Variants in MECOM observed in about 807,000 individuals in gnomAD.
MECOM encodes the protein histone-lysine N-methyltransferase MECOM.
A neutral mutation model predicts 116.3 loss-of-function variants in MECOM; 13 were observed. The observed-to-expected ratio is 0.11, with a 90% CI of 0.07 to 0.18. MECOM has a LOEUF of 0.18. Ranked by LOEUF, MECOM falls within the 10% of genes least tolerant of loss-of-function variation. MECOM has a pLI of 1.00. For synonymous variants in MECOM, 528 were observed against 535.2 expected (o/e 0.99, Z 0.19); for missense variants, 1,299 against 1,509.0 (o/e 0.86, Z 2.31).
Position 169,487,499 on chromosome 3 carries a change from G to A in MECOM, c.38-105975C>T, listed in dbSNP as rs187394164. Among the ~76,000 whole-genome samples, 46 of 151,962 alleles carry A rather than the reference G, an allele frequency of 3.0e-4. 1 individual carries two copies. The highest frequency in any genetic ancestry group is 2.8e-3 in the Admixed American group (43 of 15,250). On this transcript the variant is annotated intron_variant, in intron 1 of 16. Coordinates refer to ENST00000651503, the MANE Select transcript of MECOM (RefSeq NM_004991.4). ...TTATGCACATTAAATATCTATTTGTGCTTATTTAAGAAAACACAAATAGAA... is the reference window on the plus strand; with the variant it reads ...TTATGCACATTAAATATCTATTTGTACTTATTTAAGAAAACACAAATAGAA...
chr3:169,179,732 C>A (rs893171713), intron 2 of MECOM, among the ~76,000 whole-genome samples: 4 of 152,160 alleles, frequency 2.6e-5, no homozygotes, highest in Admixed American at 1.3e-4. Context: ...ATAAACAAAG[C>A]CCTTCATGAA....
chr3:169,556,638 AGT>A (rs1299287694), intron 1 of MECOM, among the ~76,000 whole-genome samples: 1 of 152,172 alleles, frequency 6.6e-6, no homozygotes, highest in Non-Finnish European at 1.5e-5. Context: ...GAGAAGTGTC[AGT>A]GTGTGACCCA....
chr3:169,520,753 AT>A (rs1757242612), intron 1 of MECOM, among the ~76,000 whole-genome samples: 1 of 151,530 alleles, frequency 6.6e-6, no homozygotes, highest in South Asian at 2.1e-4. Flanking sequence ...AGCCATTTTT[AT>A]AAAAACTTAA....
chr3:169,518,693 C>G (rs1757000156), intron 1 of MECOM, among the ~76,000 whole-genome samples: 1 of 152,126 alleles, frequency 6.6e-6, no homozygotes, highest in Non-Finnish European at 1.5e-5. Context: ...GCTGCCCCAC[C>G]CAAATCTCAT....
intron 1 of MECOM, among the ~76,000 whole-genome samples, chr3:169,485,964 CTA>C (rs371192814): frequency 1.1e-5 from 1 of 94,392 alleles, no homozygotes; most frequent in East Asian, 3.0e-4. Flanking sequence ...TACATATATA[CTA>C]TATATACATA....
chr3:169,524,665 C>T (rs927821852), intron 1 of MECOM, among the ~76,000 whole-genome samples: 1 of 152,208 alleles, frequency 6.6e-6, no homozygotes, highest in Non-Finnish European at 1.5e-5. Flanking sequence ...TTTAAGTAAA[C>T]AACAACCCTA....
At chr3:169,579,107 T>C (rs1403271688) in intron 1 of MECOM, among the ~76,000 whole-genome samples, 3 of 152,242 alleles carry the variant, frequency 2.0e-5, no homozygotes. Flanking sequence ...TATCATTTGA[T>C]GTCATGCAAG....
intron 1 of MECOM, among the ~76,000 whole-genome samples, chr3:169,658,945 C>G (rs1204279413): frequency 6.6e-6 from 1 of 151,996 alleles, no homozygotes; most frequent in East Asian, 1.9e-4. Flanking sequence ...GGAGGGCGTC[C>G]CCCCTTCCTG....
chr3:169,604,942 A>G (rs1353694700), intron 1 of MECOM, among the ~76,000 whole-genome samples: 1 of 152,170 alleles, frequency 6.6e-6, no homozygotes, highest in Non-Finnish European at 1.5e-5. Context: ...CATGAATCCT[A>G]TTTAAGACAG....
intron 7 of MECOM, among the ~76,000 whole-genome samples, chr3:169,119,264 A>T (rs1023287483): frequency 1.3e-5 from 2 of 152,050 alleles, no homozygotes; most frequent in African/African-American, 4.8e-5. Flanking sequence ...AACCTCCTCC[A>T]CTCAAGTCTC....
chr3:169,539,205 G>A (rs1264395481), intron 1 of MECOM, among the ~76,000 whole-genome samples: 1 of 152,166 alleles, frequency 6.6e-6, no homozygotes, highest in Non-Finnish European at 1.5e-5. Context: ...GATTTGTTGA[G>A]TAATCTTCAC....
At chr3:169,412,236 A>G (rs1341387707) in intron 1 of MECOM, among the ~76,000 whole-genome samples, 2 of 151,478 alleles carry the variant, frequency 1.3e-5, no homozygotes, top group Non-Finnish European at 2.9e-5. Context: ...CAGTGAGCCA[A>G]GATTGCGCCA....
At chr3:169,349,106 C>G (rs1725864992) in intron 2 of MECOM, among the ~76,000 whole-genome samples, 1 of 149,498 alleles carries the variant, frequency 6.7e-6, no homozygotes, top group Non-Finnish European at 1.5e-5. Context: ...TTTTCTCCCT[C>G]ACTTCTTAGA....
At chr3:169,191,762 GA>G (rs1046113022) in intron 2 of MECOM, among the ~76,000 whole-genome samples, 1 of 136,294 alleles carries the variant, frequency 7.3e-6, no homozygotes, top group African/African-American at 2.6e-5. Context: ...AAGAAAGAAA[GA>G]AAGAAAGAAA....
chr3:169,298,440 T>G (rs1716058525), intron 2 of MECOM, among the ~76,000 whole-genome samples: 1 of 151,778 alleles, frequency 6.6e-6, no homozygotes, highest in African/African-American at 2.4e-5. Context: ...ATTTCATATA[T>G]AATATAATAT....
intron 1 of MECOM, chr3:169,447,854 C>G (rs1744912959): frequency 6.6e-6 from 1 of 152,168 alleles, no homozygotes; most frequent in South Asian, 2.1e-4. Flanking sequence ...ACAAATGTGA[C>G]CTACAAATGA....
At chr3:169,615,452 G>A (rs1027085668) in intron 1 of MECOM, among the ~76,000 whole-genome samples, 1 of 152,222 alleles carries the variant, frequency 6.6e-6, no homozygotes, top group Non-Finnish European at 1.5e-5. Context: ...TATATTAGTA[G>A]TAAAATGTTT....
At chr3:169,252,099 CA>C (rs1756314122) in intron 2 of MECOM, among the ~76,000 whole-genome samples, 1 of 151,952 alleles carries the variant, frequency 6.6e-6, no homozygotes, top group African/African-American at 2.4e-5. Context: ...CATAAATGTA[CA>C]AAAAATTTAG....
At chr3:169,599,175 G>A (rs375176066) in intron 1 of MECOM, among the ~76,000 whole-genome samples, 73 of 152,116 alleles carry the variant, frequency 4.8e-4, no homozygotes, top group Non-Finnish European at 6.5e-4. Flanking sequence ...AACCGATAGC[G>A]AAGAACCCTA....
Sources: gnomAD v4.1 joint callset for allele counts (sites outside exome capture counted in the v4.1 genomes callset) on GRCh38, gnomAD v4.1.1 for gene constraint, MANE v1.5 for transcripts, NCBI Gene and HGNC (gene_info 2026-07-23, HGNC 2026-07-21) for gene names.